FAM107B: variants seen among roughly 807,000 people sequenced by gnomAD.
The protein encoded by FAM107B is protein FAM107B.
Under a neutral mutation model 31.5 loss-of-function variants are expected in FAM107B, and 21 were observed. That is an observed-to-expected ratio of 0.67 (90% CI 0.47 to 0.96). FAM107B has a LOEUF of 0.96. FAM107B is among the 40% of genes least tolerant of loss of function. The pLI is 0.00. For synonymous variants in FAM107B, 157 were observed against 141.5 expected (o/e 1.11, Z -0.78); for missense variants, 452 against 377.1 (o/e 1.20, Z -1.64).
intron 2 of FAM107B, among the ~76,000 whole-genome samples, chr10:14,639,726 C>G (rs1347463116): frequency 6.6e-6 from 1 of 152,260 alleles, no homozygotes; most frequent in Non-Finnish European, 1.5e-5. Context: ...CTGCCCCCAT[C>G]TTGGAGCCCT....
At chr10:14,561,300 G>A (rs4543882) in intron 2 of FAM107B, among the ~76,000 whole-genome samples, 122,075 of 152,186 alleles carry the variant, frequency 0.8, 49,459 homozygotes, top group East Asian at 0.89. Flanking sequence ...GGGAAATATA[G>A]TATCAGGCCG....
Position 14,774,257 on chromosome 10 carries a change from G to C in FAM107B, c.407C>G (p.Pro136Arg). The change falls in exon 1 of 5, where the codon CCC becomes CGC. Residue 136 changes from proline to arginine, a missense_variant. By Grantham distance (103) the Pro-to-Arg change is moderately radical (BLOSUM62 -2). Coordinates refer to ENST00000181796, the MANE Select transcript of FAM107B (RefSeq NM_031453.4). ...GCAGAGCGAACACTCACTCACCTTG[G>C]GCGTGTCAATAATTGATGGTCTGGG... ...SIPRPSIIDT[P>R]KEEEFREEPK... 7 of 1,607,474 alleles carry C rather than the reference G, an allele frequency of 4.4e-6. No individual in the cohort carries two copies. The highest frequency in any genetic ancestry group is 6.0e-6 in the Non-Finnish European group (7 of 1,175,498).
chr10:14,630,114 C>T (rs1853315701), intron 2 of FAM107B, among the ~76,000 whole-genome samples: 1 of 151,950 alleles, frequency 6.6e-6, no homozygotes, highest in East Asian at 1.9e-4. Context: ...TCCTGTTCTC[C>T]ATACTTAGAT....
chr10:14,606,031 T>G (rs1024597605), intron 2 of FAM107B, among the ~76,000 whole-genome samples: 2 of 152,148 alleles, frequency 1.3e-5, no homozygotes, highest in African/African-American at 4.8e-5. Context: ...AAGTGAACTT[T>G]CCAGGTGCAA....
chr10:14,663,166 G>C (rs61340032), intron 2 of FAM107B, among the ~76,000 whole-genome samples: 40,063 of 152,172 alleles, frequency 0.26, 5,894 homozygotes, highest in South Asian at 0.41. Flanking sequence ...AGGCTGCACT[G>C]TCGGCTTCCC....
Position 14,733,965 on chromosome 10 carries a change from AGAG to A in FAM107B, c.411+40285_411+40287del, listed in dbSNP as rs1333945144. Among the ~76,000 whole-genome samples, 7 of 152,334 alleles carry A rather than the reference AGAG, an allele frequency of 4.6e-5. No homozygotes were observed. The South Asian group carries it at 1.5e-3, about 32-fold the overall frequency. On this transcript the variant is annotated intron_variant, in intron 1 of 4. Coordinates refer to ENST00000181796, the MANE Select transcript of FAM107B (RefSeq NM_031453.4). ...CACCTGGTATTTAGAGAGGACTTTG[AGAG>A]GAGAACAGGTACCGAAGCAACGTGT...
At chr10:14,670,836 C>G (rs561437470) in intron 1 of FAM107B, among the ~76,000 whole-genome samples, 13 of 152,364 alleles carry the variant, frequency 8.5e-5, no homozygotes, top group African/African-American at 3.1e-4. Flanking sequence ...TCTGTCCTCA[C>G]TAGTATAAAC....
At chr10:14,671,893 C>CAA (rs1190652363) in intron 1 of FAM107B, among the ~76,000 whole-genome samples, 1 of 123,094 alleles carries the variant, frequency 8.1e-6, no homozygotes, top group South Asian at 2.8e-4. Flanking sequence ...AACAAAAAAA[C>CAA]AAAAAAAAAA....
Position 14,666,999 on chromosome 10 carries a change from A to T in FAM107B, c.469+635T>A, listed in dbSNP as rs73602837. Among the ~76,000 whole-genome samples the T allele has an allele frequency of 3.0e-3, 464 of 152,328 alleles. 3 individuals carry two copies. The highest frequency in any genetic ancestry group is 0.011 in the African/African-American group (450 of 41,568). On this transcript the variant is annotated intron_variant, in intron 2 of 4. Coordinates refer to ENST00000181796, the MANE Select transcript of FAM107B (RefSeq NM_031453.4). ...CTAACACCGAATCACATAAAACACC[A>T]AACTAAAACTAAAAGCCATTGGTAA...
At chr10:14,733,586 C>T (rs958484837) in intron 1 of FAM107B, among the ~76,000 whole-genome samples, 1 of 152,136 alleles carries the variant, frequency 6.6e-6, no homozygotes, top group South Asian at 2.1e-4. Context: ...GAATAAATAC[C>T]CATAGCACTG....
intron 3 of FAM107B, among the ~76,000 whole-genome samples, chr10:14,528,247 T>A (rs1325283752): frequency 2.2e-5 from 3 of 134,814 alleles, no homozygotes; most frequent in Non-Finnish European, 4.6e-5. Flanking sequence ...ACTGGCACAA[T>A]CTCGGCTCAC....
At chr10:14,604,186 C>T (rs538900647) in intron 2 of FAM107B, 3 of 976,712 alleles carry the variant, frequency 3.1e-6, no homozygotes, top group East Asian at 1.2e-4. Context: ...CCGCCGCCCG[C>T]CTCCCCGCGC....
At chr10:14,656,707 G>C (rs1054058187) in intron 2 of FAM107B, among the ~76,000 whole-genome samples, 6 of 152,270 alleles carry the variant, frequency 3.9e-5, no homozygotes, top group African/African-American at 1.2e-4. Context: ...TTTTTACAAA[G>C]GGCCAACATT....
At chr10:14,556,931 C>T (rs1541022) in intron 2 of FAM107B, among the ~76,000 whole-genome samples, 39,902 of 152,124 alleles carry the variant, frequency 0.26, 5,829 homozygotes, top group Middle Eastern at 0.33. Context: ...TTGCTCCCTG[C>T]GCCTTAGCCA....
chr10:14,719,885 T>C (rs1855870906), intron 1 of FAM107B, among the ~76,000 whole-genome samples: 1 of 152,218 alleles, frequency 6.6e-6, no homozygotes, highest in South Asian at 2.1e-4. Context: ...TGTTCAGCTC[T>C]TCTTATGCTG....
intron 2 of FAM107B, chr10:14,652,716 C>T (rs117398261): frequency 2.6e-5 from 4 of 152,260 alleles, no homozygotes; most frequent in Non-Finnish European, 4.4e-5. Flanking sequence ...GGATACCAGA[C>T]GTTTTGTGTT....
intron 2 of FAM107B, chr10:14,571,633 C>G (rs766552481): frequency 2.9e-6 from 1 of 347,778 alleles, no homozygotes; most frequent in African/African-American, 2.2e-5. Context: ...CTCACTATAA[C>G]AACATATAAT....
chr10:14,772,741 G>T (rs1387418493), intron 1 of FAM107B, among the ~76,000 whole-genome samples: 2 of 152,116 alleles, frequency 1.3e-5, no homozygotes, highest in Non-Finnish European at 2.9e-5. Context: ...CCATGGCTTT[G>T]CTCCTGCCAA....
At chr10:14,758,019 G>A (rs1469239406) in intron 1 of FAM107B, among the ~76,000 whole-genome samples, 1 of 152,098 alleles carries the variant, frequency 6.6e-6, no homozygotes, top group Non-Finnish European at 1.5e-5. Context: ...TTTGAAGGAT[G>A]CCACCAATTC....
Sources: allele counts gnomAD v4.1 joint callset (sites outside exome capture counted in the v4.1 genomes callset), GRCh38; gene constraint gnomAD v4.1.1; transcripts MANE v1.5; gene names NCBI Gene and HGNC (gene_info 2026-07-23, HGNC 2026-07-21).